Variants in ABL1 observed in about 807,000 individuals in gnomAD.
ABL1 encodes tyrosine-protein kinase ABL1.
ABL1 carries 11 observed loss-of-function variants against 94.7 expected under a neutral mutation model. That is an observed-to-expected ratio of 0.12 (90% CI 0.07 to 0.19). The LOEUF is 0.19. ABL1 is among the 10% of genes least tolerant of loss of function. The pLI is 1.00. For missense variants in ABL1, 1,082 were observed against 1,489.4 expected (o/e 0.73, Z 4.50); for synonymous variants, 656 against 622.4 (o/e 1.05, Z -0.80).
intron 1 of ABL1, among the ~76,000 whole-genome samples, chr9:130,803,712 A>C (rs1055941513): frequency 9.2e-5 from 14 of 152,190 alleles, no homozygotes; most frequent in African/African-American, 3.1e-4. Flanking sequence ...TCCATTTGAC[A>C]ATTTTCAATA....
intron 6 of ABL1, among the ~76,000 whole-genome samples, chr9:130,874,542 A>G (rs1831308204): frequency 6.6e-6 from 1 of 152,142 alleles, no homozygotes; most frequent in Admixed American, 6.5e-5. Context: ...AATTAATTAC[A>G]CTCACAGCAA....
intron 1 of ABL1, among the ~76,000 whole-genome samples, chr9:130,786,661 G>C (rs1829830096): frequency 6.6e-6 from 1 of 152,128 alleles, no homozygotes. Flanking sequence ...ACATCTTTCT[G>C]TCTGGATGAA....
chr9:130,823,145 C>T (rs1276952967), intron 1 of ABL1, among the ~76,000 whole-genome samples: 1 of 152,100 alleles, frequency 6.6e-6, no homozygotes, highest in African/African-American at 2.4e-5. Context: ...TTTTTATCTT[C>T]CTTACACCAG....
chr9:130,790,075 G>T (rs1316609759), intron 1 of ABL1, among the ~76,000 whole-genome samples: 2 of 152,234 alleles, frequency 1.3e-5, no homozygotes, highest in Non-Finnish European at 2.9e-5. Flanking sequence ...TAGCACAACA[G>T]TTTAAACGGA....
chr9:130,723,492 CTG>C (rs745461991), intron 1 of ABL1, among the ~76,000 whole-genome samples: 22 of 152,162 alleles, frequency 1.4e-4, no homozygotes, highest in Non-Finnish European at 1.9e-4. Flanking sequence ...CTGAAGCAAA[CTG>C]TGATCATATC....
chr9:130,749,646 C>G (rs755286767), intron 1 of ABL1, among the ~76,000 whole-genome samples: 1 of 152,192 alleles, frequency 6.6e-6, no homozygotes, highest in Non-Finnish European at 1.5e-5. Context: ...AAAACTGAGT[C>G]TGTTTCTCCA....
intron 1 of ABL1, among the ~76,000 whole-genome samples, chr9:130,812,945 G>T (rs1830229374): frequency 6.6e-6 from 1 of 152,374 alleles, no homozygotes; most frequent in Admixed American, 6.5e-5. Flanking sequence ...CCGGCGGGTT[G>T]GCTCACGCCT....
chr9:130,855,187 T>C, intron 3 of ABL1, 91 bp downstream of exon 3: 2 of 1,408,052 alleles, frequency 1.4e-6, no homozygotes, highest in African/African-American at 2.9e-5. Flanking sequence ...GCAAGAAAGC[T>C]CAACCAAGAA....
chr9:130,858,255 G>GTA (rs1192323680), intron 3 of ABL1, among the ~76,000 whole-genome samples: 1 of 151,964 alleles, frequency 6.6e-6, no homozygotes, highest in Non-Finnish European at 1.5e-5. Context: ...AAAGGCCTGC[G>GTA]TATGGGATAT....
chr9:130,865,671 G>A (rs757469014), intron 4 of ABL1, among the ~76,000 whole-genome samples: 2 of 151,488 alleles, frequency 1.3e-5, no homozygotes, highest in Non-Finnish European at 2.9e-5. Context: ...ACCTGAGCCC[G>A]GGAGGTTGAG....
At chr9:130,851,011 C>T (rs1449221064) in intron 1 of ABL1, among the ~76,000 whole-genome samples, 1 of 151,988 alleles carries the variant, frequency 6.6e-6, no homozygotes, top group Admixed American at 6.6e-5. Flanking sequence ...GCAAGCTCCG[C>T]CTCCCGGGTT....
intron 6 of ABL1, among the ~76,000 whole-genome samples, 165 bp from the exon 7 acceptor site, chr9:130,874,703 T>A (rs561119888): frequency 6.6e-6 from 1 of 152,318 alleles, no homozygotes; most frequent in African/African-American, 2.4e-5. Context: ...GTGTGTTTGC[T>A]GAGAGGCTGG....
chr9:130,796,823 G>A lies in ABL1; in HGVS notation c.137-57241G>A, dbSNP rs191141985. The stretch of plus-strand genomic sequence containing the variant: ...TAATCCCAGCTACTCAGGAGGCTGC[G>A]GCAGGAGAACCACTTGAACCCGGGA... On this transcript the variant is annotated intron_variant, in intron 1 of 10. Transcript: ENST00000372348. 1.8e-3 allele frequency among the ~76,000 whole-genome samples: 265 copies of A among 150,234 alleles called. 2 individuals are homozygous for A. Among genetic ancestry groups the A allele is most frequent in the African/African-American group, 6.3e-3 (252 of 40,310 alleles).
At chr9:130,841,455 A>G (rs1047775219) in intron 1 of ABL1, among the ~76,000 whole-genome samples, 4 of 152,140 alleles carry the variant, frequency 2.6e-5, no homozygotes, top group African/African-American at 9.7e-5. Context: ...GTTAGGCCAC[A>G]TTCAAAGCCG....
chr9:130,773,746 G>C (rs2132770788), intron 1 of ABL1, among the ~76,000 whole-genome samples: 1 of 150,130 alleles, frequency 6.7e-6, no homozygotes, highest in South Asian at 2.1e-4. Context: ...CTCCCAAAAT[G>C]CTGGGATTAC....
intron 1 of ABL1, among the ~76,000 whole-genome samples, chr9:130,785,093 C>G (rs1026497474): frequency 6.6e-6 from 1 of 152,228 alleles, no homozygotes; most frequent in African/African-American, 2.4e-5. Flanking sequence ...GACATGGGAA[C>G]TGGACTCTGT....
At chr9:130,813,163 C>G (rs1254397757) in intron 1 of ABL1, among the ~76,000 whole-genome samples, 1 of 151,576 alleles carries the variant, frequency 6.6e-6, no homozygotes, top group African/African-American at 2.4e-5. Context: ...TGCAGTGAGC[C>G]GAGATTGCAC....
chr9:130,766,768 C>T (rs180719553), intron 1 of ABL1, among the ~76,000 whole-genome samples: 7 of 152,328 alleles, frequency 4.6e-5, no homozygotes, highest in Admixed American at 2.6e-4. Context: ...ACCCCGGCCC[C>T]ACCCTGCCTT....
In ABL1 at chr9:130,884,602, G is replaced by A; in HGVS notation, c.2312G>A (p.Arg771Lys). ...CCTCGGAAGAGGGCAGGGGAGAACA[G>A]GTCTGACCAGGTGACCCGAGGCACA... is the stretch of plus-strand genomic sequence containing the variant. ...ALPRKRAGEN[R>K]SDQVTRGTVT... The change falls in exon 11 of 11, where the codon AGG becomes AAG. Residue 771 changes from arginine (R) to lysine (K), a missense_variant. By Grantham distance (26) the Arg-to-Lys change is conservative. Around this residue, in one of 7 missense-constraint regions of ABL1, gnomAD observed 780 missense variants for 835.8 expected, o/e 0.93. Coordinates refer to ENST00000318560, the MANE Select transcript of ABL1 (RefSeq NM_005157.6). This position sits in a 1 kb window ranked among gnomAD's most constrained non-coding sequence, Gnocchi z 5.6. The A allele has an allele frequency of 6.2e-7, 1 of 1,613,372 alleles. No homozygotes were observed.
Sources: allele counts gnomAD v4.1 joint callset (sites outside exome capture counted in the v4.1 genomes callset), GRCh38; gene constraint gnomAD v4.1.1; regional missense constraint gnomAD v4.1.1; non-coding constraint Gnocchi (gnomAD v3.1); transcripts MANE v1.5; gene names NCBI Gene and HGNC (gene_info 2026-07-23, HGNC 2026-07-21).